The following GLOD4 variants were observed in gnomAD, a reference collection of about 807,000 sequenced individuals.
GLOD4 encodes the protein glyoxalase domain-containing protein 4.
In GLOD4, 44 loss-of-function variants were observed where a neutral mutation model predicts 39.1. The observed-to-expected ratio is 1.13, with a 90% confidence interval of 0.88 to 1.45. The LOEUF (loss-of-function observed/expected upper bound fraction) is 1.45. Ranked by LOEUF, GLOD4 falls within the 40% of genes most tolerant of loss-of-function variation. GLOD4 has a pLI of 0.00. For missense variants in GLOD4, 405 were observed against 366.4 expected (o/e 1.11, Z -0.86); for synonymous variants, 145 against 135.0 (o/e 1.07, Z -0.52).
At chr17:779,933 G>A (rs1011612189) in intron 1 of GLOD4, among the ~76,000 whole-genome samples, 5 of 152,108 alleles carry the variant, frequency 3.3e-5, no homozygotes, top group African/African-American at 9.7e-5. Flanking sequence ...GGGAGGCCGA[G>A]GTGGGTGGAT....
chr17:776,845 T>A, intron 3 of GLOD4, 23 bp downstream of exon 3: 1 of 1,602,618 alleles, frequency 6.2e-7, no homozygotes, highest in Non-Finnish European at 8.5e-7. Flanking sequence ...GCCAAAACTC[T>A]GCTAGAAAAA....
At chr17:761,956 G>A (rs529197840) in intron 8 of GLOD4, among the ~76,000 whole-genome samples, 3 of 152,330 alleles carry the variant, frequency 2.0e-5, no homozygotes, top group African/African-American at 7.2e-5. Context: ...GGAGGCAGGT[G>A]GGAAAGAAGG....
intron 1 of GLOD4, among the ~76,000 whole-genome samples, chr17:781,210 C>G (rs146843154): frequency 1.3e-5 from 2 of 152,162 alleles, no homozygotes; most frequent in African/African-American, 2.4e-5. Context: ...CGTGGGCCAC[C>G]GCGCCGGCAC....
At chr17:767,442 G>A (rs1206556826) in intron 8 of GLOD4, among the ~76,000 whole-genome samples, 2 of 152,216 alleles carry the variant, frequency 1.3e-5, no homozygotes, top group Non-Finnish European at 1.5e-5. Context: ...AATGGGAGGC[G>A]AGAAAGAGAA....
chr17:766,371 G>A (rs189304790), intron 8 of GLOD4, among the ~76,000 whole-genome samples: 27 of 151,694 alleles, frequency 1.8e-4, no homozygotes, highest in Admixed American at 1.4e-3. Context: ...CAAGGCAGAC[G>A]GATCGCCTGA....
rs200197444 is a variant in GLOD4 at position 761,357 on chromosome 17, CTGATT to C, written c.832-1124_832-1120del. Among the ~76,000 whole-genome samples, 109 of 152,122 alleles carry C rather than the reference CTGATT, an allele frequency of 7.2e-4. 1 individual carries two copies. The East Asian group carries it at 0.013, about 19-fold the overall frequency. On this transcript the variant is annotated intron_variant, in intron 8 of 8. Coordinates refer to ENST00000301329, the MANE Select transcript of GLOD4 (RefSeq NM_016080.4). The stretch of plus-strand genomic sequence containing the variant: ...CATTTCTAAAAAATCTTAGTACTAT[CTGATT>C]TATTATCTTGATGAAAATAAGAATT...
rs963654823 is a variant in GLOD4, at chr17:775,262, A to G, written c.406+513T>C. ...CTCCAGCCGGACTGACAGAGTCTCA[A>G]AAAAAAAAAGCAAAAAGAAGTCAGC... On this transcript the variant is annotated intron_variant, in intron 4 of 8. Coordinates refer to ENST00000301329, the MANE Select transcript of GLOD4 (RefSeq NM_016080.4). Among the ~76,000 whole-genome samples, 5 of 149,232 alleles carry G rather than the reference A, an allele frequency of 3.4e-5. No individual in the cohort carries two copies. In the East Asian group the frequency reaches 5.8e-4, roughly 17 times the overall value.
chr17:783,127 A>G (rs1910269308), upstream of GLOD4: 2 of 1,613,964 alleles, frequency 1.2e-6, no homozygotes, highest in South Asian at 1.1e-5. Flanking sequence ...CGGGAAAAAC[A>G]AGGGAAGATC....
upstream of GLOD4, among the ~76,000 whole-genome samples, chr17:784,763 G>A (rs997386638): frequency 6.6e-5 from 10 of 152,290 alleles, no homozygotes; most frequent in East Asian, 7.7e-4. Flanking sequence ...TAGGGCCTCC[G>A]TATAGTGGGT....
upstream of GLOD4, chr17:783,210 C>G: frequency 1.2e-6 from 2 of 1,614,114 alleles, no homozygotes; most frequent in Non-Finnish European, 1.7e-6. Context: ...CTTCTTTAGC[C>G]GTCTAGAATA....
At chr17:772,760 C>G (rs1305283762) in intron 4 of GLOD4, among the ~76,000 whole-genome samples, 2 of 152,102 alleles carry the variant, frequency 1.3e-5, no homozygotes, top group Non-Finnish European at 2.9e-5. Context: ...CTTTGGGAGG[C>G]TGAGGTGGCA....
At chr17:771,653 A>T (rs1430408211) in intron 4 of GLOD4, among the ~76,000 whole-genome samples, 192 bp from the exon 5 acceptor site, 1 of 152,202 alleles carries the variant, frequency 6.6e-6, no homozygotes, top group Non-Finnish European at 1.5e-5. Flanking sequence ...GGATTGCGTG[A>T]GCCTAGGAAT....
At chr17:783,768 G>C (rs544740603), upstream of GLOD4, among the ~76,000 whole-genome samples, 6 of 152,284 alleles carry the variant, frequency 3.9e-5, no homozygotes, top group South Asian at 2.1e-4. Context: ...GTATCTTAGA[G>C]TATTTTCAAT....
chr17:776,017 A>G, intron 3 of GLOD4, 98 bp from the exon 4 acceptor site: 5 of 868,182 alleles, frequency 5.8e-6, no homozygotes, highest in South Asian at 1.7e-5. Flanking sequence ...GCCTTTAGGT[A>G]AAATCACCTA....
chr17:768,349 G>C (rs1319101171), intron 8 of GLOD4, among the ~76,000 whole-genome samples: 1 of 148,188 alleles, frequency 6.7e-6, no homozygotes, highest in African/African-American at 2.5e-5. Flanking sequence ...GAGAAACAGC[G>C]CGCACTCAGA....
chr17:769,928 C>A lies in GLOD4; in HGVS notation c.772G>T (p.Asp258Tyr), dbSNP rs115211226. 43 of 1,611,800 alleles carry A rather than the reference C, an allele frequency of 2.7e-5. No individual in the cohort carries two copies. The African/African-American group carries it at 4.0e-4, about 15-fold the overall frequency. The stretch of plus-strand genomic sequence containing the variant: ...TTAGAAAGTTCTCGAAATGCTTCAT[C>A]CCCGACAAAGCAAATTTCATGTCCG... ...PDGHEICFVG[D>Y]EAFRELSKMD... Residue 258 changes from aspartate (D) to tyrosine (Y), a missense_variant, in exon 8 of 9, where the codon GAT (aspartate) becomes TAT (tyrosine). By Grantham distance (160) the Asp-to-Tyr change is radical. Transcript: ENST00000301329.
intron 2 of GLOD4, 139 bp downstream of exon 2, chr17:778,556 C>T (rs1001608522): frequency 1.7e-5 from 12 of 703,272 alleles, no homozygotes; most frequent in African/African-American, 7.0e-5. Context: ...TATGTGTTCC[C>T]GACGCTCCTG....
chr17:771,503 G>A lies in GLOD4; in HGVS notation c.407-42C>T, dbSNP rs563741193. 2.5e-4 allele frequency: 296 copies of A among 1,185,176 alleles called. 3 individuals carry two copies. In the South Asian group the frequency reaches 4.2e-3, roughly 17 times the overall value. The allele number at this position is 1,185,176 out of a possible 1,614,324, so 73.4% of individuals were successfully genotyped here. ...CAGGAATAGACAGATCAATTTAATA[G>A]AATAAAATAGAAAGACCAAAACATG... On this transcript the variant is annotated intron_variant, in intron 4 of 8. Transcript: ENST00000301329.
At chr17:760,268 C>G in intron 8 of GLOD4, 30 bp from the exon 9 acceptor site, 1 of 1,256,888 alleles carries the variant, frequency 8.0e-7, no homozygotes, top group Non-Finnish European at 1.2e-6. Context: ...TATACACTGA[C>G]TCCAAGCCTG....
Sources: allele counts gnomAD v4.1 joint callset (sites outside exome capture counted in the v4.1 genomes callset), GRCh38; gene constraint gnomAD v4.1.1; transcripts MANE v1.5; gene names NCBI Gene and HGNC (gene_info 2026-07-23, HGNC 2026-07-21).